The following PATJ variants were observed in gnomAD, a reference collection of about 807,000 sequenced individuals.
The protein encoded by PATJ is PATJ crumbs cell polarity complex component.
Under a neutral mutation model 224.9 loss-of-function variants are expected in PATJ, and 190 were observed. That is an observed-to-expected ratio of 0.84 (90% CI 0.75 to 0.95). PATJ has a LOEUF of 0.95. Ranked by LOEUF, PATJ falls within the 40% of genes least tolerant of loss-of-function variation. PATJ has a pLI of 0.00. For synonymous variants in PATJ, 769 were observed against 820.3 expected, an observed-to-expected ratio of 0.94 and a Z score of 1.07; for missense variants, 2,121 against 2,270.3, an observed-to-expected ratio of 0.93 and a Z score of 1.34.
chr1:62,095,024 A>G (rs1310343935), intron 33 of PATJ, among the ~76,000 whole-genome samples: 1 of 152,184 alleles, frequency 6.6e-6, no homozygotes, highest in Non-Finnish European at 1.5e-5. Context: ...TCCCTTCTAC[A>G]GCTACAGTCC....
Position 62,162,761 on chromosome 1 carries a change from A to G in PATJ, c.*1707A>G. On this transcript the variant is annotated 3_prime_UTR_variant, in exon 44 of 44. Transcript: ENST00000642238. ...CAGGAGTTCGAGACCAGCCTGGCCAATATGGTGAAACCCTGTCTCTACTAA... is the reference window on the plus strand; with the variant it reads ...CAGGAGTTCGAGACCAGCCTGGCCAGTATGGTGAAACCCTGTCTCTACTAA... 1 of 196,648 alleles carries G rather than the reference A, an allele frequency of 5.1e-6. No homozygotes were observed. The highest frequency in any genetic ancestry group is 1.1e-5 in the Non-Finnish European group (1 of 93,208). The allele number at this position is 196,648 out of a possible 1,614,324, so 12.2% of individuals were successfully genotyped here.
chr1:62,148,107 T>G, intron 41 of PATJ, among the ~76,000 whole-genome samples, 177 bp from the exon 42 acceptor site: 3 of 59,412 alleles, frequency 5.0e-5, no homozygotes, highest in African/African-American at 7.5e-5. Context: ...AGCAACAGAG[T>G]GAGACACTGT....
intron 27 of PATJ, among the ~76,000 whole-genome samples, chr1:61,980,216 T>C (rs1261572063): frequency 6.6e-6 from 1 of 151,774 alleles, no homozygotes; most frequent in African/African-American, 2.4e-5. Context: ...GCCCAGGAGG[T>C]TGGGGCTGCA....
At chr1:62,117,444 A>C (rs1664562573) in intron 37 of PATJ, 2 of 1,369,346 alleles carry the variant, frequency 1.5e-6, no homozygotes, top group Non-Finnish European at 1.9e-6. Context: ...TTTTCTTGGA[A>C]GCTCTTTTCT....
chr1:61,990,094 G>A, intron 27 of PATJ, 74 bp from the exon 28 acceptor site: 1 of 1,095,234 alleles, frequency 9.1e-7, no homozygotes, highest in Non-Finnish European at 1.3e-6. Flanking sequence ...TCACAGTAAG[G>A]ATGGGGAAAT....
chr1:61,897,401 C>T (rs1359612013), intron 22 of PATJ, among the ~76,000 whole-genome samples: 1 of 152,138 alleles, frequency 6.6e-6, no homozygotes. Context: ...AAGTTTTTTT[C>T]ATGTGAAAAG....
chr1:62,154,721 T>C (rs1188493688), intron 43 of PATJ, among the ~76,000 whole-genome samples: 1 of 152,088 alleles, frequency 6.6e-6, no homozygotes, highest in Non-Finnish European at 1.5e-5. Context: ...GGAATCTGTC[T>C]CTTTCCAGAA....
intron 7 of PATJ, among the ~76,000 whole-genome samples, chr1:61,781,965 C>T (rs144631696): frequency 1.0e-3 from 155 of 152,316 alleles, no homozygotes; most frequent in Non-Finnish European, 1.8e-3. Flanking sequence ...GAAATGTCTG[C>T]CATGGAAGCC....
rs550643183 is a variant in PATJ, at chr1:61,908,533, G to C, written c.3492+51G>C. The C allele has an allele frequency of 6.4e-6, 7 of 1,096,684 alleles. No individual in the cohort carries two copies. In the South Asian group the frequency reaches 9.0e-5, roughly 14 times the overall value. The allele number at this position is 1,096,684 out of a possible 1,614,324, so 67.9% of individuals were successfully genotyped here. A position where few individuals can be genotyped will look rare whatever the true frequency, so the allele number is the denominator to read the frequency against. ...AAGTTTAACAACACTCTGTATACCT[G>C]CAGACCAAGCTTTGGCCTCTAAGTA... On this transcript the variant is annotated intron_variant, in intron 25 of 43. Transcript: ENST00000642238.
chr1:62,016,666 C>A (rs1448265858), intron 28 of PATJ, among the ~76,000 whole-genome samples: 1 of 152,150 alleles, frequency 6.6e-6, no homozygotes, highest in East Asian at 1.9e-4. Flanking sequence ...TTTAGGTCAT[C>A]TTTTGGTAGA....
chr1:62,141,541 G>A (rs1264064500), intron 41 of PATJ, among the ~76,000 whole-genome samples: 1 of 151,972 alleles, frequency 6.6e-6, no homozygotes, highest in Admixed American at 6.6e-5. Context: ...CAGGCATGGT[G>A]GCATGCACCC....
At chr1:62,029,594 T>C (rs537898609) in intron 29 of PATJ, among the ~76,000 whole-genome samples, 15 of 152,210 alleles carry the variant, frequency 9.9e-5, no homozygotes, top group Non-Finnish European at 2.1e-4. Flanking sequence ...AAGTGCTGTA[T>C]ATGACATATA....
chr1:61,827,641 G>A (rs1217411291), intron 16 of PATJ, 58 bp downstream of exon 16: 16 of 1,519,542 alleles, frequency 1.1e-5, no homozygotes, highest in East Asian at 2.3e-5. Context: ...AAGATGCCCC[G>A]AAGACTGTGC....
At chr1:61,900,579 C>CTTTCT (rs67723329) in intron 23 of PATJ, among the ~76,000 whole-genome samples, 5 of 150,342 alleles carry the variant, frequency 3.3e-5, no homozygotes, top group Admixed American at 2.0e-4. Flanking sequence ...ACATATGTGG[C>CTTTCT]TTTCTTTTCT....
chr1:61,966,613 G>T (rs949637741), intron 27 of PATJ, among the ~76,000 whole-genome samples: 1 of 151,004 alleles, frequency 6.6e-6, no homozygotes, highest in East Asian at 1.9e-4. Context: ...TTAAACCTGG[G>T]AGGCAGAGGT....
chr1:62,045,853 G>A (rs1264476496), intron 30 of PATJ, among the ~76,000 whole-genome samples: 1 of 152,106 alleles, frequency 6.6e-6, no homozygotes, highest in Non-Finnish European at 1.5e-5. Context: ...CCTGGTGAGT[G>A]GGGTATTTTG....
At chr1:62,102,733 C>G (rs1039939545) in intron 33 of PATJ, among the ~76,000 whole-genome samples, 1 of 151,618 alleles carries the variant, frequency 6.6e-6, no homozygotes, top group Non-Finnish European at 1.5e-5. Context: ...TGGTGGCACA[C>G]GCCTTCGTCC....
chr1:61,893,522 C>G (rs371601947), intron 22 of PATJ, among the ~76,000 whole-genome samples: 3 of 149,054 alleles, frequency 2.0e-5, no homozygotes, highest in South Asian at 4.2e-4. Flanking sequence ...GAATTTAGGC[C>G]AGGTGTGGTG....
intron 42 of PATJ, among the ~76,000 whole-genome samples, chr1:62,152,363 A>C (rs569828256): frequency 6.6e-6 from 1 of 152,216 alleles, no homozygotes; most frequent in East Asian, 1.9e-4. Context: ...CCGGCAGAAA[A>C]GGAGCAGCAG....
Sources: allele counts gnomAD v4.1 joint callset (sites outside exome capture counted in the v4.1 genomes callset), GRCh38; gene constraint gnomAD v4.1.1; transcripts MANE v1.5; gene names NCBI Gene and HGNC (gene_info 2026-07-23, HGNC 2026-07-21).